IPP: variants seen among roughly 807,000 people sequenced by gnomAD.
IPP encodes intracisternal A particle-promoted polypeptide.
A neutral mutation model predicts 64.1 loss-of-function variants in IPP; 41 were observed. That is an observed-to-expected ratio of 0.64 (90% CI 0.50 to 0.83). The LOEUF (loss-of-function observed/expected upper bound fraction) is 0.83. IPP is among the 40% of genes least tolerant of loss of function. IPP has a pLI of 0.00. For synonymous variants in IPP, 214 were observed against 235.2 expected, an observed-to-expected ratio of 0.91 and a Z score of 0.83; for missense variants, 649 against 703.0, an observed-to-expected ratio of 0.92 and a Z score of 0.87.
chr1:45,698,578 G>T, downstream of IPP: 1 of 529,812 alleles, frequency 1.9e-6, no homozygotes, highest in Non-Finnish European at 2.4e-6. Flanking sequence ...CAGTAGCTTT[G>T]CAGTATGCTC....
At chr1:45,742,922 CTTTT>C (rs1161640603) in intron 2 of IPP, among the ~76,000 whole-genome samples, 1 of 149,308 alleles carries the variant, frequency 6.7e-6, no homozygotes, top group Non-Finnish European at 1.5e-5. Context: ...GCTTCACTTT[CTTTT>C]TTTTATTTTT....
At chr1:45,747,555 C>T (rs28396194) in intron 1 of IPP, among the ~76,000 whole-genome samples, 42,879 of 151,976 alleles carry the variant, frequency 0.28, 6,194 homozygotes, top group South Asian at 0.36. Flanking sequence ...CTGCTGGGCA[C>T]AGTGGCTCAC....
chr1:45,715,299 T>G, intron 7 of IPP, among the ~76,000 whole-genome samples: 1 of 152,082 alleles, frequency 6.6e-6, no homozygotes. Context: ...ATCTCTAGTG[T>G]TGTACTTCAT....
chr1:45,744,785 G>A (rs528075867), intron 2 of IPP, among the ~76,000 whole-genome samples: 1 of 151,442 alleles, frequency 6.6e-6, no homozygotes, highest in African/African-American at 2.4e-5. Flanking sequence ...GTTGCAGTGA[G>A]CCGAGACCAC....
chr1:45,699,227 C>T lies in IPP; in HGVS notation c.*739G>A, dbSNP rs1353173213. 1.0e-6 allele frequency: 1 copy of T among 985,258 alleles called. No individual in the cohort carries two copies. The highest frequency in any genetic ancestry group is 1.1e-4 in the East Asian group (1 of 8,812). The allele number at this position is 985,258 out of a possible 1,614,324, so 61.0% of individuals were successfully genotyped here. On this transcript the variant is annotated 3_prime_UTR_variant, in exon 9 of 9. Transcript: ENST00000396478. The stretch of plus-strand genomic sequence containing the variant: ...AGCTAGATATTTCCCAAACACCCCT[C>T]CTAGGATATCTGCTGCCAATAAAAA...
intron 1 of IPP, among the ~76,000 whole-genome samples, chr1:45,749,170 A>G (rs1646181680): frequency 6.6e-6 from 1 of 152,220 alleles, no homozygotes; most frequent in African/African-American, 2.4e-5. Flanking sequence ...CATCAAGCAC[A>G]GCCACTGAGC....
At chr1:45,694,688 A>G, downstream of IPP, 1 of 543,740 alleles carries the variant, frequency 1.8e-6, no homozygotes, top group Non-Finnish European at 3.3e-6. Context: ...GGTAAGTTGG[A>G]CATGTTTTCC....
chr1:45,721,940 G>A (rs536257923), intron 5 of IPP, among the ~76,000 whole-genome samples: 10 of 152,144 alleles, frequency 6.6e-5, no homozygotes, highest in Middle Eastern at 3.4e-3. Flanking sequence ...GCGGTGGTGC[G>A]TGTCTGTAAT....
downstream of IPP, among the ~76,000 whole-genome samples, chr1:45,697,571 A>T (rs758570819): frequency 2.0e-5 from 3 of 152,204 alleles, no homozygotes; most frequent in Non-Finnish European, 4.4e-5. Context: ...TAATTTGGAT[A>T]TGAGTGCTAC....
At chr1:45,695,830 C>G (rs981363754), downstream of IPP, among the ~76,000 whole-genome samples, 2 of 152,270 alleles carry the variant, frequency 1.3e-5, no homozygotes, top group South Asian at 4.1e-4. Context: ...CCACCATGCC[C>G]AGCTAATTTT....
At chr1:45,742,237 G>T (rs1376497241) in intron 2 of IPP, among the ~76,000 whole-genome samples, 1 of 152,032 alleles carries the variant, frequency 6.6e-6, no homozygotes, top group African/African-American at 2.4e-5. Flanking sequence ...GGTAGGAGGA[G>T]GGTAAAGATT....
intron 3 of IPP, among the ~76,000 whole-genome samples, chr1:45,733,960 G>C (rs113595818): frequency 6.6e-6 from 1 of 152,080 alleles, no homozygotes; most frequent in African/African-American, 2.4e-5. Context: ...AAAAGCACTT[G>C]ATGATGAAAT....
intron 3 of IPP, among the ~76,000 whole-genome samples, chr1:45,734,121 G>A (rs891874288): frequency 1.3e-5 from 2 of 151,662 alleles, no homozygotes; most frequent in African/African-American, 4.8e-5. Flanking sequence ...ATAAATAAGG[G>A]CTATACACCT....
At chr1:45,740,789 C>G in intron 3 of IPP, 112 bp downstream of exon 3, 1 of 596,032 alleles carries the variant, frequency 1.7e-6, no homozygotes, top group South Asian at 2.8e-5. Flanking sequence ...AAAGAGTAAT[C>G]ATTCAATAAA....
chr1:45,713,161 G>A (rs1645612689), intron 8 of IPP, among the ~76,000 whole-genome samples: 1 of 152,054 alleles, frequency 6.6e-6, no homozygotes. Flanking sequence ...CAGTGGCTCC[G>A]AAAGATCTGT....
At chr1:45,717,341 T>C (rs1645674735) in intron 6 of IPP, among the ~76,000 whole-genome samples, 1 of 151,812 alleles carries the variant, frequency 6.6e-6, no homozygotes, top group East Asian at 1.9e-4. Context: ...ATGGAAAAGA[T>C]GGTATTTTGC....
Position 45,726,159 on chromosome 1 carries a change from C to G in IPP, c.1048+1472G>C, listed in dbSNP as rs549381929. ...TGGGCAACATAGTGAGACCCCATCT[C>G]TAAAAAAAAAAAAAAATGGCCGGGC... On this transcript the variant is annotated intron_variant, in intron 5 of 8. Coordinates refer to ENST00000396478, the MANE Select transcript of IPP (RefSeq NM_005897.3). 1.9e-4 allele frequency among the ~76,000 whole-genome samples: 3 copies of G among 15,538 alleles called. No individual in the cohort carries two copies. The Admixed American group carries it at 2.0e-3, about 10-fold the overall frequency. The allele number at this position is 15,538 out of a possible 152,430, so 10.2% of individuals were successfully genotyped here.
At position 45,727,788 on chromosome 1, in the gene IPP, A is replaced by T. The variant is rs1216032258; in HGVS notation, c.891T>A (p.Thr297=). The stretch of plus-strand genomic sequence containing the variant: ...CACTCCAGCGACCCCCCTGCAACCG[A>T]GTATATCCACCTAAACAAAAGAAGA... ...RKYLYAVGGY[T]RLQGGRWSDS... The change falls in exon 5 of 9, where the codon ACT becomes ACA. Residue 297 remains threonine (T), a synonymous_variant. Transcript: ENST00000396478. 1.9e-6 allele frequency: 3 copies of T among 1,547,570 alleles called. No individual in the cohort carries two copies. The highest frequency in any genetic ancestry group is 2.6e-6 in the Non-Finnish European group (3 of 1,134,108).
At chr1:45,714,512 CA>C (rs1557743143) in intron 7 of IPP, 46 bp from the exon 8 acceptor site, 1 of 1,072,282 alleles carries the variant, frequency 9.3e-7, no homozygotes, top group Admixed American at 1.7e-5. Flanking sequence ...TAGTGAGATA[CA>C]AATAATGATG....
Sources: allele counts gnomAD v4.1 joint callset (sites outside exome capture counted in the v4.1 genomes callset), GRCh38; gene constraint gnomAD v4.1.1; transcripts MANE v1.5; gene names NCBI Gene and HGNC (gene_info 2026-07-23, HGNC 2026-07-21).